The following ADAM22 variants were observed in gnomAD, a reference collection of about 807,000 sequenced individuals.
The protein encoded by ADAM22 is ADAM metallopeptidase domain 22.
ADAM22 carries 65 observed loss-of-function variants against 144.6 expected under a neutral mutation model. The observed-to-expected ratio is 0.45, with a 90% CI of 0.37 to 0.55. The LOEUF (loss-of-function observed/expected upper bound fraction) is 0.55, where lower values mean the gene tolerates loss of function less well. Among genes scored for constraint, ADAM22 ranks in the 20% least tolerant of loss-of-function variants. The pLI is 0.00. For synonymous variants in ADAM22, 391 were observed against 412.6 expected (o/e 0.95, Z 0.63); for missense variants, 974 against 1,184.9 (o/e 0.82, Z 2.61).
intron 2 of ADAM22, among the ~76,000 whole-genome samples, chr7:87,969,352 A>G (rs961069232): frequency 1.3e-5 from 2 of 152,186 alleles, no homozygotes; most frequent in Non-Finnish European, 2.9e-5. Flanking sequence ...AGGAGCACCA[A>G]TGCATTCCTC....
intron 14 of ADAM22, among the ~76,000 whole-genome samples, chr7:88,136,665 C>T (rs191625198): frequency 3.5e-4 from 53 of 151,820 alleles, no homozygotes; most frequent in African/African-American, 1.3e-3. Context: ...AAACTTTGAC[C>T]ATCTTTTGCT....
At chr7:87,942,478 G>A (rs534873368) in intron 2 of ADAM22, among the ~76,000 whole-genome samples, 15 of 152,164 alleles carry the variant, frequency 9.9e-5, no homozygotes, top group African/African-American at 3.6e-4. Flanking sequence ...ATGGAAGGGG[G>A]CCACCAACGA....
intron 9 of ADAM22, among the ~76,000 whole-genome samples, chr7:88,130,168 T>C (rs10952914): frequency 0.57 from 85,910 of 151,926 alleles, 25,341 homozygotes; most frequent in East Asian, 0.9. Flanking sequence ...AAATTGAGGC[T>C]TCAATCCTTT....
chr7:88,028,273 T>C (rs750616123), intron 3 of ADAM22, among the ~76,000 whole-genome samples: 59 of 152,176 alleles, frequency 3.9e-4, no homozygotes, highest in Admixed American at 2.6e-4. Context: ...TTAATTTCCA[T>C]GTGTTTGTAT....
chr7:88,149,886 T>C (rs561023217), intron 18 of ADAM22, among the ~76,000 whole-genome samples: 1 of 152,198 alleles, frequency 6.6e-6, no homozygotes, highest in Non-Finnish European at 1.5e-5. Context: ...TGCCTTCTTA[T>C]AAGCTTTATG....
chr7:87,976,194 G>A (rs1000799167), intron 2 of ADAM22, among the ~76,000 whole-genome samples: 2 of 152,170 alleles, frequency 1.3e-5, no homozygotes, highest in Admixed American at 6.5e-5. Flanking sequence ...GCTAGACGAG[G>A]TTGGAAAGGC....
chr7:88,130,608 C>T (rs540699395), intron 10 of ADAM22, 149 bp downstream of exon 10: 2 of 648,982 alleles, frequency 3.1e-6, no homozygotes, highest in Admixed American at 3.4e-5. Flanking sequence ...TTGCAATAGA[C>T]TTTATTGACT....
Position 88,196,752 on chromosome 7 carries a change from G to A in ADAM22, c.*261G>A. 2.0e-6 allele frequency: 1 copy of A among 502,394 alleles called. No homozygotes were observed. The highest frequency in any genetic ancestry group is 3.3e-5 in the East Asian group (1 of 30,190). The allele number at this position is 502,394 out of a possible 1,614,324, so 31.1% of individuals were successfully genotyped here. On this transcript the variant is annotated 3_prime_UTR_variant, in exon 32 of 32. Coordinates refer to ENST00000413139, the MANE Select transcript of ADAM22 (RefSeq NM_001324418.2). ...ACAATAAAGGTACTGGTATGTTAAT[G>A]GATAATCCGCATGACAGATAATATG... is the stretch of plus-strand genomic sequence containing the variant.
At chr7:87,941,360 T>C (rs900760992) in intron 2 of ADAM22, among the ~76,000 whole-genome samples, 1 of 152,236 alleles carries the variant, frequency 6.6e-6, no homozygotes, top group African/African-American at 2.4e-5. Flanking sequence ...TGTGCATGGA[T>C]GAGCTGTACT....
intron 3 of ADAM22, among the ~76,000 whole-genome samples, chr7:87,990,182 G>A (rs978341926): frequency 2.6e-5 from 4 of 152,126 alleles, no homozygotes; most frequent in Non-Finnish European, 4.4e-5. Context: ...ACATGACAAC[G>A]TGGTCTGAGT....
At chr7:87,997,866 G>T (rs1791598870) in intron 3 of ADAM22, among the ~76,000 whole-genome samples, 2 of 152,312 alleles carry the variant, frequency 1.3e-5, no homozygotes, top group Admixed American at 1.3e-4. Context: ...GTTTATTAAG[G>T]AGTATTGACT....
intron 14 of ADAM22, among the ~76,000 whole-genome samples, chr7:88,139,478 G>T (rs779524470): frequency 2.2e-4 from 34 of 151,698 alleles, no homozygotes; most frequent in Non-Finnish European, 4.1e-4. Context: ...TTTGAAAAAA[G>T]ACCTATTTAA....
At position 88,151,442 on chromosome 7, in the gene ADAM22, C is replaced by T; in HGVS notation, c.1681+122C>T. ...GACTGGGGGATTCTCAAAGCTACCA[C>T]AGGTCTTAGCAGGGGCATGTTTCTG... On this transcript the variant is annotated intron_variant, in intron 20 of 31. Transcript: ENST00000413139. 2 of 1,044,724 alleles carry T rather than the reference C, an allele frequency of 1.9e-6. 1 individual carries two copies. 64.7% of individuals were successfully genotyped at this position (1,044,724 alleles called of 1,614,324 possible). A position where few individuals can be genotyped will look rare whatever the true frequency, so the allele number is the denominator to read the frequency against.
chr7:87,982,062 TATATATACACAC>T (rs1246753746), intron 3 of ADAM22, among the ~76,000 whole-genome samples: 1 of 108,860 alleles, frequency 9.2e-6, no homozygotes, highest in African/African-American at 3.9e-5. Context: ...TATATATATA[TATATATACACAC>T]ACACACACAC....
In ADAM22 at chr7:88,130,458, TAGTA is replaced by T. The variant is rs770305133; in HGVS notation, c.825+4_825+7del. On this transcript the variant is annotated splice_donor_variant and splice_donor_region_variant and coding_sequence_variant and intron_variant, in exon 10 of 32. Transcript: ENST00000413139. LOFTEE classifies it high-confidence loss of function. Reference sequence around the variant, plus strand: ...AAATCTGTGGTGAACATGGCAGATTTAGTAAGTATCAACCCCGTTCATTATTGCC... The same window carrying T: ...AAATCTGTGGTGAACATGGCAGATTTAGTATCAACCCCGTTCATTATTGCC... 1.9e-6 allele frequency: 3 copies of T among 1,612,612 alleles called. No individual in the cohort carries two copies. Among genetic ancestry groups the T allele is most frequent in the Non-Finnish European group, 2.5e-6 (3 of 1,178,828 alleles).
chr7:88,010,232 C>G (rs1030387596), intron 3 of ADAM22, among the ~76,000 whole-genome samples: 2 of 152,112 alleles, frequency 1.3e-5, no homozygotes, highest in Admixed American at 6.5e-5. Context: ...CAGAACTGAC[C>G]TAAATTTCAA....
At position 88,114,632 on chromosome 7, in the gene ADAM22, A is replaced by G. The variant is rs760954016; in HGVS notation, c.522A>G (p.Glu174=). 2.5e-6 allele frequency: 4 copies of G among 1,613,952 alleles called. No homozygotes were observed. The East Asian group carries it at 6.7e-5, about 27-fold the overall frequency. Residue 174 remains glutamate (E), a synonymous_variant, in exon 6 of 32, where the codon GAA becomes GAG. Transcript: ENST00000413139. ...ACACATATCTCATTGAGCCAGAAGA[A>G]AATGACACTACTCAAGTAAGTGCTC... ...GNHTYLIEPE[E]NDTTQEDFHF...
At chr7:87,997,267 G>T (rs2129454313) in intron 3 of ADAM22, among the ~76,000 whole-genome samples, 1 of 152,310 alleles carries the variant, frequency 6.6e-6, no homozygotes, top group Admixed American at 6.5e-5. Flanking sequence ...AACCCCCAAA[G>T]CTCTGAAAGC....
At chr7:88,142,560 C>T (rs528830123) in intron 14 of ADAM22, among the ~76,000 whole-genome samples, 16 of 152,124 alleles carry the variant, frequency 1.1e-4, no homozygotes, top group South Asian at 2.1e-4. Context: ...ATTGATTGGC[C>T]GGGCGTGGTG....
Sources: allele counts gnomAD v4.1 joint callset (sites outside exome capture counted in the v4.1 genomes callset), GRCh38; gene constraint gnomAD v4.1.1; transcripts MANE v1.5; gene names NCBI Gene and HGNC (gene_info 2026-07-23, HGNC 2026-07-21).